The following ETNK1 variants were observed in gnomAD, a reference collection of about 807,000 sequenced individuals.
ETNK1 encodes the protein ethanolamine kinase 1.
ETNK1 carries 8 observed loss-of-function variants against 45.1 expected under a neutral mutation model. The ratio of observed to expected loss-of-function variants is 0.18; its 90% CI spans 0.10 to 0.32. ETNK1 has a LOEUF of 0.32. Ranked by LOEUF, ETNK1 falls within the 10% of genes least tolerant of loss-of-function variation. The pLI, the probability that ETNK1 is intolerant of heterozygous loss-of-function variation, is 1.00. For synonymous variants in ETNK1, 152 were observed against 151.9 expected (o/e 1.00, Z -0.01); for missense variants, 302 against 430.6 (o/e 0.70, Z 2.64).
intron 3 of ETNK1, 98 bp downstream of exon 3, chr12:22,659,252 T>C: frequency 8.0e-7 from 1 of 1,244,560 alleles, no homozygotes; most frequent in Non-Finnish European, 1.1e-6. Context: ...TAAAATCTGG[T>C]TTTCTTTCTT....
intron 6 of ETNK1, chr12:22,682,189 C>T (rs375061600): frequency 3.5e-6 from 1 of 289,278 alleles, no homozygotes. Context: ...TTGATATCAC[C>T]ACCAGTGTCA....
chr12:22,681,070 G>T (rs1051205885), intron 6 of ETNK1, among the ~76,000 whole-genome samples: 1 of 152,032 alleles, frequency 6.6e-6, no homozygotes, highest in Non-Finnish European at 1.5e-5. Flanking sequence ...TATAGTTACA[G>T]AATTTATTAT....
Position 22,671,259 on chromosome 12 carries a change from G to A in ETNK1, c.701-13G>A. 6.4e-7 allele frequency: 1 copy of A among 1,552,244 alleles called. No homozygotes were observed. Among genetic ancestry groups the A allele is most frequent in the South Asian group, 1.1e-5 (1 of 89,214 alleles). ...GTGATTTCTTAATGTCTTTGTTTTT[G>A]TGTCTCACATAGGTGATGTACAGTT... On this transcript the variant is annotated splice_polypyrimidine_tract_variant and intron_variant, in intron 4 of 7. Coordinates refer to ENST00000266517, the MANE Select transcript of ETNK1 (RefSeq NM_018638.5).
At chr12:22,632,879 G>A (rs1322311540) in intron 1 of ETNK1, among the ~76,000 whole-genome samples, 1 of 152,104 alleles carries the variant, frequency 6.6e-6, no homozygotes, top group Non-Finnish European at 1.5e-5. Context: ...TTGGTTTGGC[G>A]TATGCCCAGA....
chr12:22,644,378 G>A lies in ETNK1; in HGVS notation c.416+356G>A, dbSNP rs1311450213. The A allele has an allele frequency of 7.3e-6, 10 of 1,362,706 alleles. No homozygotes were observed. In the East Asian group the frequency reaches 2.2e-4, roughly 30 times the overall value. The allele number at this position is 1,362,706 out of a possible 1,614,324, so 84.4% of individuals were successfully genotyped here. A position where few individuals can be genotyped will look rare whatever the true frequency, so the allele number is the denominator to read the frequency against. On this transcript the variant is annotated intron_variant, in intron 2 of 7. Transcript: ENST00000266517. ...TTACTTAATTGTTCATGTTTTCAGA[G>A]TTCTTGCCTATTAAAATTTTATTAA...
chr12:22,670,299 C>A (rs1954095119), intron 4 of ETNK1, among the ~76,000 whole-genome samples: 1 of 151,870 alleles, frequency 6.6e-6, no homozygotes, highest in African/African-American at 2.4e-5. Flanking sequence ...GTTCATATAT[C>A]CATTTTTAAC....
chr12:22,661,705 G>C (rs1954000663), intron 4 of ETNK1, among the ~76,000 whole-genome samples: 1 of 152,156 alleles, frequency 6.6e-6, no homozygotes. Flanking sequence ...ACTAAGGAGA[G>C]AGCTACAGAT....
chr12:22,660,824 G>C (rs539464540), intron 3 of ETNK1, among the ~76,000 whole-genome samples: 97 of 152,098 alleles, frequency 6.4e-4, no homozygotes, highest in African/African-American at 2.1e-3. Context: ...CAAGTTTTTA[G>C]TGAGTTTTTT....
intron 2 of ETNK1, among the ~76,000 whole-genome samples, chr12:22,647,941 G>A (rs1269924179): frequency 6.6e-6 from 1 of 151,902 alleles, no homozygotes; most frequent in Non-Finnish European, 1.5e-5. Flanking sequence ...ACCAATATAT[G>A]ATAGTGAAAA....
chr12:22,625,171 G>A lies in ETNK1; in HGVS notation c.-260G>A, dbSNP rs1365452974. ...CGTCAGGCCAGCCCCGGCATGCTCT[G>A]CGGCCGCCCGCGGTCCAGCTCCGAC... On this transcript the variant is annotated 5_prime_UTR_variant, in exon 1 of 8. Coordinates refer to ENST00000266517, the MANE Select transcript of ETNK1 (RefSeq NM_018638.5). 2.5e-6 allele frequency: 4 copies of A among 1,594,602 alleles called. No homozygotes were observed. The African/African-American group carries it at 5.4e-5, about 21-fold the overall frequency.
At chr12:22,679,889 A>G (rs1309945075) in intron 6 of ETNK1, among the ~76,000 whole-genome samples, 1 of 151,760 alleles carries the variant, frequency 6.6e-6, no homozygotes, top group East Asian at 1.9e-4. Flanking sequence ...ACGGGGTTTC[A>G]CCATATCGGC....
chr12:22,625,429 C>T lies in ETNK1; in HGVS notation c.-2C>T. On this transcript the variant is annotated 5_prime_UTR_variant, in exon 1 of 8. Coordinates refer to ENST00000266517, the MANE Select transcript of ETNK1 (RefSeq NM_018638.5). ...GTGGTAGTCTCCGCCGTCGCCTGGGCCATGGCCAATTACATCCACGTCCCT... is the reference window on the plus strand; with the variant it reads ...GTGGTAGTCTCCGCCGTCGCCTGGGTCATGGCCAATTACATCCACGTCCCT... The T allele has an allele frequency of 6.3e-7, 1 of 1,581,886 alleles. No individual in the cohort carries two copies.
chr12:22,681,469 A>G (rs1402460305), intron 6 of ETNK1, among the ~76,000 whole-genome samples: 1 of 152,072 alleles, frequency 6.6e-6, no homozygotes, highest in Non-Finnish European at 1.5e-5. Flanking sequence ...ATTTTATATC[A>G]GCGTAAAATA....
At chr12:22,641,008 T>C (rs1484950955) in intron 1 of ETNK1, among the ~76,000 whole-genome samples, 1 of 152,222 alleles carries the variant, frequency 6.6e-6, no homozygotes, top group Non-Finnish European at 1.5e-5. Context: ...TTTAGATGAT[T>C]CAGCACATTG....
At chr12:22,642,721 T>G (rs1235037023) in intron 1 of ETNK1, among the ~76,000 whole-genome samples, 3 of 152,056 alleles carry the variant, frequency 2.0e-5, no homozygotes, top group East Asian at 1.9e-4. Flanking sequence ...TTCTGTTCTT[T>G]TTTTCTATTC....
intron 2 of ETNK1, chr12:22,644,347 T>G (rs766731578): frequency 6.7e-7 from 1 of 1,497,060 alleles, no homozygotes; most frequent in South Asian, 1.4e-5. Context: ...TACTGCCGAT[T>G]GCTTATTACT....
At position 22,684,572 on chromosome 12, in the gene ETNK1, T is replaced by G; in HGVS notation, c.1019+16T>G. ...ATTTCCTTGGGTAAGTTAAATTTTATTATATGATTACATTGGTCTCTGCTT... is the reference window on the plus strand; with the variant it reads ...ATTTCCTTGGGTAAGTTAAATTTTAGTATATGATTACATTGGTCTCTGCTT... On this transcript the variant is annotated intron_variant, in intron 7 of 7. Transcript: ENST00000266517. The G allele has an allele frequency of 6.7e-7, 1 of 1,498,660 alleles. No homozygotes were observed. The highest frequency in any genetic ancestry group is 2.3e-5 in the East Asian group (1 of 44,254). The allele number at this position is 1,498,660 out of a possible 1,614,324, so 92.8% of individuals were successfully genotyped here.
At chr12:22,638,617 C>CTTATATAATATAATA (rs1555218616) in intron 1 of ETNK1, 3 of 152,068 alleles carry the variant, frequency 2.0e-5, no homozygotes, top group Non-Finnish European at 2.9e-5. Flanking sequence ...CATACTTGTG[C>CTTATATAATATAATA]TATATTATAT....
chr12:22,634,651 G>A (rs1441672411), intron 1 of ETNK1, among the ~76,000 whole-genome samples: 1 of 152,160 alleles, frequency 6.6e-6, no homozygotes, highest in African/African-American at 2.4e-5. Context: ...ATTGAGTGCA[G>A]TGGTGCGATC....
Sources: allele counts gnomAD v4.1 joint callset (sites outside exome capture counted in the v4.1 genomes callset), GRCh38; gene constraint gnomAD v4.1.1; transcripts MANE v1.5; gene names NCBI Gene and HGNC (gene_info 2026-07-23, HGNC 2026-07-21).